PEX5: variants seen among roughly 807,000 people sequenced by gnomAD.
PEX5 encodes PTS1 receptor.
PEX5 carries 52 observed loss-of-function variants against 82.9 expected under a neutral mutation model. The ratio of observed to expected loss-of-function variants is 0.63; its 90% confidence interval spans 0.50 to 0.79. The LOEUF (loss-of-function observed/expected upper bound fraction) is 0.79, where lower values mean the gene tolerates loss of function less well. Among genes scored for constraint, PEX5 ranks in the 30% least tolerant of loss-of-function variants. The probability of loss-of-function intolerance (pLI) is 0.00; values close to 1 mark genes in which losing one functional copy is unlikely to be tolerated. For synonymous variants in PEX5, 300 were observed against 318.8 expected (o/e 0.94, Z 0.63); for missense variants, 719 against 815.2 (o/e 0.88, Z 1.44).
At chr12:7,194,609 C>A (rs1032619546) in intron 5 of PEX5, among the ~76,000 whole-genome samples, 5 of 152,122 alleles carry the variant, frequency 3.3e-5, no homozygotes, top group Admixed American at 2.0e-4. Context: ...TAATGGAATC[C>A]CCCCGTCTTA....
chr12:7,214,946 A>C (rs1357376816), downstream of PEX5, among the ~76,000 whole-genome samples: 1 of 152,188 alleles, frequency 6.6e-6, no homozygotes, highest in Non-Finnish European at 1.5e-5. Context: ...AGCATCAATG[A>C]GCAATACAAT....
At chr12:7,203,807 ATGCT>A (rs1479092422) in intron 10 of PEX5, among the ~76,000 whole-genome samples, 2 of 152,252 alleles carry the variant, frequency 1.3e-5, no homozygotes, top group Non-Finnish European at 2.9e-5. Context: ...AGGTTTGCAC[ATGCT>A]TGCTGCATTA....
intron 17 of PEX5, among the ~76,000 whole-genome samples, chr12:7,218,164 G>A (rs768868102): frequency 3.2e-4 from 48 of 152,224 alleles, no homozygotes; most frequent in African/African-American, 1.1e-3. Context: ...ATTTATTGAC[G>A]ATTATTATGA....
exon 18 of PEX5, chr12:7,218,451 T>C (rs1945841665): frequency 6.6e-6 from 1 of 152,228 alleles, no homozygotes; most frequent in Admixed American, 6.5e-5. Flanking sequence ...GGCTGGAGTT[T>C]CCTTGGGATC....
chr12:7,190,041 T>G, intron 1 of PEX5: 2 of 1,503,056 alleles, frequency 1.3e-6, no homozygotes, highest in Non-Finnish European at 1.8e-6. Flanking sequence ...CCAGCCTGGT[T>G]GTTGAAGCGT....
chr12:7,210,514 C>A lies in PEX5; in HGVS notation c.*291C>A. Reference sequence around the variant, plus strand: ...TCTTGGTGCTGCTTTTTGGGTAGGACCCCACGATTTAGGGTAACTGTTATC... The same window carrying A: ...TCTTGGTGCTGCTTTTTGGGTAGGAACCCACGATTTAGGGTAACTGTTATC... On this transcript the variant is annotated 3_prime_UTR_variant, in exon 16 of 16. Transcript: ENST00000675855. 1.9e-6 allele frequency: 1 copy of A among 525,848 alleles called. No homozygotes were observed. The highest frequency in any genetic ancestry group is 3.5e-6 in the Non-Finnish European group (1 of 289,090). The allele number at this position is 525,848 out of a possible 1,614,324, so 32.6% of individuals were successfully genotyped here. A position where few individuals can be genotyped will look rare whatever the true frequency, so the allele number is the denominator to read the frequency against.
chr12:7,205,265 C>T (rs747526857), intron 10 of PEX5, among the ~76,000 whole-genome samples: 1 of 151,274 alleles, frequency 6.6e-6, no homozygotes, highest in Non-Finnish European at 1.5e-5. Flanking sequence ...GAAATACTTG[C>T]ATTAATGTTC....
intron 10 of PEX5, 68 bp downstream of exon 10, chr12:7,203,619 C>T: frequency 6.7e-7 from 1 of 1,491,274 alleles, no homozygotes; most frequent in Non-Finnish European, 9.2e-7. Context: ...TCCTTTAATC[C>T]TGAATTTGAA....
At chr12:7,207,149 CTTGAAAATGTT>C (rs1437067796) in intron 10 of PEX5, among the ~76,000 whole-genome samples, 1 of 152,058 alleles carries the variant, frequency 6.6e-6, no homozygotes, top group Admixed American at 6.5e-5. Flanking sequence ...TTTCAAAATG[CTTGAAAATGTT>C]TTATCTAGTT....
chr12:7,207,561 AG>A (rs746246646), intron 10 of PEX5, 97 bp from the exon 11 acceptor site: 5 of 1,161,070 alleles, frequency 4.3e-6, no homozygotes, highest in Non-Finnish European at 6.5e-6. Context: ...ACCTGTTTGG[AG>A]GCCCTCAGCT....
intron 5 of PEX5, among the ~76,000 whole-genome samples, chr12:7,197,515 AAT>A (rs1472361076): frequency 3.1e-5 from 3 of 95,746 alleles, no homozygotes; most frequent in Non-Finnish European, 4.6e-5. Context: ...ATAATGTAAT[AAT>A]TATATGTTAT....
intron 4 of PEX5, 90 bp downstream of exon 4, chr12:7,191,448 G>A (rs968474498): frequency 6.3e-6 from 10 of 1,599,944 alleles, no homozygotes; most frequent in Admixed American, 3.3e-5. Flanking sequence ...TGGCATTGGG[G>A]ACCTGAGATG....
Position 7,201,855 on chromosome 12 carries a change from C to A in PEX5, c.642+14C>A. ...GCTAATTCTGAGGTGAGCCACATCC[C>A]TCTGCTGCTTTGCCCAGCAGAGCTG... On this transcript the variant is annotated intron_variant, in intron 7 of 15. Transcript: ENST00000675855. 1.3e-6 allele frequency: 2 copies of A among 1,587,008 alleles called. No homozygotes were observed. The highest frequency in any genetic ancestry group is 1.7e-4 in the Middle Eastern group (1 of 5,986).
intron 6 of PEX5, among the ~76,000 whole-genome samples, chr12:7,201,275 A>G (rs1943959535): frequency 8.8e-6 from 1 of 113,384 alleles, no homozygotes; most frequent in African/African-American, 2.6e-5. Context: ...ATGTATACAC[A>G]CACATAGACA....
chr12:7,217,417 G>A (rs1231237522), intron 17 of PEX5, among the ~76,000 whole-genome samples: 4 of 152,226 alleles, frequency 2.6e-5, no homozygotes, highest in Admixed American at 2.0e-4. Context: ...GCCACCTGCC[G>A]TCATTTGATG....
Position 7,197,418 on chromosome 12 carries a change from T to TACTTATA in PEX5, c.449-1593_449-1592insACTTATA, listed in dbSNP as rs1555176221. On this transcript the variant is annotated intron_variant, in intron 5 of 15. Coordinates refer to ENST00000675855, the MANE Select transcript of PEX5 (RefSeq NM_001351132.2). ...TATATATATGTCATATACAATGTAA[T>TACTTATA]TATATGTCATATACAATGTAATTAT... Among the ~76,000 whole-genome samples the TACTTATA allele has an allele frequency of 1.7e-4, 5 of 28,890 alleles. 1 individual carries two copies. The East Asian group carries it at 2.0e-3, about 12-fold the overall frequency. 19.0% of individuals were successfully genotyped at this position (28,890 alleles called of 152,430 possible).
Position 7,210,155 on chromosome 12 carries a change from G to GATGCCT in PEX5, c.1856_1861dup (p.Ala619_Tyr620dup). ...GGCATTGTCTATGTTAGGCCAGAGC[G>GATGCCT]ATGCCTATGGGGCAGCCGACGCGCG... On this transcript the variant is annotated inframe_insertion, in exon 16 of 16. Transcript: ENST00000675855. 6.2e-7 allele frequency: 1 copy of GATGCCT among 1,614,222 alleles called. No homozygotes were observed. Among genetic ancestry groups the GATGCCT allele is most frequent in the Non-Finnish European group, 8.5e-7 (1 of 1,180,028 alleles).
downstream of PEX5, among the ~76,000 whole-genome samples, chr12:7,212,054 C>CT (rs1945619090): frequency 6.6e-6 from 1 of 151,522 alleles, no homozygotes; most frequent in African/African-American, 2.4e-5. Flanking sequence ...CAGCCTCCGC[C>CT]TCCTGGGTTC....
Position 7,201,758 on chromosome 12 carries a change from G to A in PEX5, c.559G>A (p.Glu187Lys), listed in dbSNP as rs1944082431. 1 of 1,612,636 alleles carries A rather than the reference G, an allele frequency of 6.2e-7. No individual in the cohort carries two copies. Among genetic ancestry groups the A allele is most frequent in the Non-Finnish European group, 8.5e-7 (1 of 1,178,806 alleles). ...AGTTCTTACCCGTTCCAGGTATGATGAATATCATCCTGAGGAGGATCTGCA... is the reference window on the plus strand; with the variant it reads ...AGTTCTTACCCGTTCCAGGTATGATAAATATCATCCTGAGGAGGATCTGCA... Reference protein sequence around the residue: ...EGTATDRWYDEYHPEEDLQHT... With the variant: ...EGTATDRWYDKYHPEEDLQHT... The change falls in exon 7 of 16, where the codon GAA becomes AAA. Residue 187 changes from glutamate to lysine, a missense_variant. By Grantham distance (56) the Glu-to-Lys change is moderately conservative. Coordinates refer to ENST00000675855, the MANE Select transcript of PEX5 (RefSeq NM_001351132.2).
Sources: gnomAD v4.1 joint callset for allele counts (sites outside exome capture counted in the v4.1 genomes callset) on GRCh38, gnomAD v4.1.1 for gene constraint, MANE v1.5 for transcripts, NCBI Gene and HGNC (gene_info 2026-07-23, HGNC 2026-07-21) for gene names.